BRD8: variants seen among roughly 807,000 people sequenced by gnomAD.
The protein encoded by BRD8 is bromodomain containing 8, also known as bromodomain-containing protein 8.
In BRD8, 67 loss-of-function variants were observed where a neutral mutation model predicts 143.1. The ratio of observed to expected loss-of-function variants is 0.47; its 90% CI spans 0.38 to 0.57. The LOEUF is 0.57. Among genes scored for constraint, BRD8 ranks in the 20% least tolerant of loss-of-function variants. BRD8 has a pLI of 0.00. For missense variants in BRD8, 1,103 were observed against 1,503.0 expected, an observed-to-expected ratio of 0.73 and a Z score of 4.40; for synonymous variants, 505 against 517.1, an observed-to-expected ratio of 0.98 and a Z score of 0.32.
In BRD8 at chr5:138,162,056, A is replaced by G; in HGVS notation, c.2178T>C (p.His726=). The change falls in exon 16 of 27, where the codon CAT becomes CAC. Residue 726 remains histidine, a splice_region_variant and synonymous_variant. Transcript: ENST00000254900. ...IMLVWRAAAN[H]RYANVFLQPV... The stretch of plus-strand genomic sequence containing the variant: ...ACTGACTGGTAAAGCCCACTCACCT[A>G]TGATTAGCTGCAGCTCTCCATACAA... 1 of 1,612,866 alleles carries G rather than the reference A, an allele frequency of 6.2e-7. No individual in the cohort carries two copies. Among genetic ancestry groups the G allele is most frequent in the Non-Finnish European group, 8.5e-7 (1 of 1,179,502 alleles).
chr5:138,175,487 G>C (rs1488565035), intron 2 of BRD8, among the ~76,000 whole-genome samples: 1 of 151,872 alleles, frequency 6.6e-6, no homozygotes, highest in Non-Finnish European at 1.5e-5. Flanking sequence ...GGAGGCTAAG[G>C]TGGGAGGATC....
intron 25 of BRD8, 30 bp downstream of exon 25, chr5:138,145,147 C>T: frequency 2.5e-6 from 4 of 1,590,850 alleles, no homozygotes; most frequent in South Asian, 2.3e-5. Context: ...ATAAAAGCAA[C>T]CAACCTTTCT....
chr5:138,170,970 T>C (rs759173059), intron 5 of BRD8, 58 bp from the exon 6 acceptor site: 341 of 1,612,818 alleles, frequency 2.1e-4, no homozygotes, highest in Non-Finnish European at 2.8e-4. Flanking sequence ...TTTTAAAAGT[T>C]CTGACCAGTA....
chr5:138,177,758 C>G (rs1056206476), intron 1 of BRD8, 91 bp from the exon 2 acceptor site: 7 of 733,398 alleles, frequency 9.5e-6, no homozygotes, highest in Non-Finnish European at 1.4e-5. Context: ...GGACTAAAAG[C>G]CTAATACAAA....
chr5:138,175,848 AG>A (rs1158996894), intron 2 of BRD8, among the ~76,000 whole-genome samples: 2 of 132,666 alleles, frequency 1.5e-5, no homozygotes, highest in Non-Finnish European at 3.1e-5. Context: ...CAGGAGGCAG[AG>A]GTTGCAGTGA....
At chr5:138,164,261 A>AC in intron 13 of BRD8, 59 bp downstream of exon 13, 1 of 1,593,414 alleles carries the variant, frequency 6.3e-7, no homozygotes, top group Admixed American at 1.7e-5. Flanking sequence ...CCCACAACCC[A>AC]CAACCCCTCA....
At chr5:138,174,317 G>A (rs895914167) in intron 2 of BRD8, among the ~76,000 whole-genome samples, 9 of 152,004 alleles carry the variant, frequency 5.9e-5, no homozygotes, top group Admixed American at 4.6e-4. Flanking sequence ...TGCACTGGCC[G>A]GGTGTCGTAG....
At chr5:138,161,919 G>C in intron 16 of BRD8, 55 bp from the exon 17 acceptor site, 1 of 1,597,166 alleles carries the variant, frequency 6.3e-7, no homozygotes, top group Non-Finnish European at 8.6e-7. Flanking sequence ...TGCAGGGAGG[G>C]AACTTACTCT....
intron 14 of BRD8, 131 bp from the exon 15 acceptor site, chr5:138,163,475 C>T (rs1333523731): frequency 7.4e-7 from 1 of 1,354,618 alleles, no homozygotes; most frequent in Non-Finnish European, 1.0e-6. Flanking sequence ...ACTCAGCTGT[C>T]TATCACTTAT....
chr5:138,144,010 T>C (rs1436465903), intron 25 of BRD8, among the ~76,000 whole-genome samples: 1 of 152,240 alleles, frequency 6.6e-6, no homozygotes, highest in South Asian at 2.1e-4. Context: ...CTCCTCACTC[T>C]TTGGGTCCGC....
chr5:138,164,423 A>G lies in BRD8; in HGVS notation c.1732-10T>C, dbSNP rs1364044259. ...TGCTTTCAGGGGATGCCTGAAAACC[A>G]GAAAAGAAAAAACACCCTAAGTACT... On this transcript the variant is annotated splice_polypyrimidine_tract_variant and intron_variant, in intron 12 of 26. Coordinates refer to ENST00000254900, the MANE Select transcript of BRD8 (RefSeq NM_139199.2). The G allele has an allele frequency of 1.2e-6, 2 of 1,612,630 alleles. No individual in the cohort carries two copies. Among genetic ancestry groups the G allele is most frequent in the Non-Finnish European group, 1.7e-6 (2 of 1,178,712 alleles).
chr5:138,171,918 G>T, intron 3 of BRD8, 147 bp downstream of exon 3: 1 of 708,492 alleles, frequency 1.4e-6, no homozygotes, highest in Non-Finnish European at 2.5e-6. Flanking sequence ...GGATGGATTA[G>T]CAAACAGTAG....
chr5:138,150,997 T>G lies in BRD8; in HGVS notation c.2868A>C (p.Leu956Phe), dbSNP rs59676375. The G allele has an allele frequency of 1.3e-3, 2,040 of 1,611,038 alleles. 14 individuals are homozygous for G. The African/African-American group carries it at 0.02, about 16-fold the overall frequency. ...LLHFLSEVAY[L>F]MEPLCISSNE... ...TGCTGCTGATGCACAAGGGCTCCATTAAATAAGCTACCTGCAATCAAAGTT... is the reference window on the plus strand; with the variant it reads ...TGCTGCTGATGCACAAGGGCTCCATGAAATAAGCTACCTGCAATCAAAGTT... The change falls in exon 22 of 27, where the codon TTA (leucine) becomes TTC (phenylalanine). Residue 956 changes from leucine (L) to phenylalanine (F), a missense_variant. This residue lies in a region of BRD8 where 369 missense variants were observed against 445.5 expected (regional missense o/e 0.83). Coordinates refer to ENST00000254900, the MANE Select transcript of BRD8 (RefSeq NM_139199.2).
rs372472148 is a variant in BRD8, at chr5:138,177,561, G to A, written c.116+10C>T. Reference sequence around the variant, plus strand: ...AAGACCCAGAAAAGCTGACATCCTAGATACCTTACCAATTTTGATCGCCAC... The same window carrying A: ...AAGACCCAGAAAAGCTGACATCCTAAATACCTTACCAATTTTGATCGCCAC... On this transcript the variant is annotated intron_variant, in intron 2 of 26. Transcript: ENST00000254900. 6.3e-7 allele frequency: 1 copy of A among 1,585,906 alleles called. No homozygotes were observed. Among genetic ancestry groups the A allele is most frequent in the Middle Eastern group, 1.7e-4 (1 of 6,010 alleles).
At position 138,151,023 on chromosome 5, in the gene BRD8, T is replaced by A. The variant is rs747315247; in HGVS notation, c.2857-15A>T. The A allele has an allele frequency of 6.2e-7, 1 of 1,605,720 alleles. No individual in the cohort carries two copies. Among genetic ancestry groups the A allele is most frequent in the East Asian group, 2.2e-5 (1 of 44,872 alleles). ...AAATAAGCTACCTGCAATCAAAGTT[T>A]ATTATTAGATGCACAGGAACACCAC... On this transcript the variant is annotated splice_polypyrimidine_tract_variant and intron_variant, in intron 21 of 26. Transcript: ENST00000254900.
chr5:138,164,786 A>C lies in BRD8; in HGVS notation c.1659T>G (p.Ala553=). Residue 553 remains alanine (A), a synonymous_variant, in exon 12 of 27, where the codon GCT becomes GCG. Transcript: ENST00000254900. ...CAACATCTGCTTCAACAATCTCTCC[A>C]GCTGCAGTACTTCCCAGTTCCTCAT... The part of the protein sequence containing the change: ...DLDEELGSTA[A]GEIVEADVAI... The C allele has an allele frequency of 1.9e-6, 3 of 1,614,208 alleles. No individual in the cohort carries two copies. Among genetic ancestry groups the C allele is most frequent in the Non-Finnish European group, 2.5e-6 (3 of 1,180,050 alleles).
rs539725102 is a variant in BRD8 at position 138,154,348 on chromosome 5, C to T, written c.2578-1588G>A. ...TCTCCGTATTGCCACCCACCACCCC[C>T]ACCAGATGCCTACACCTTCCATTCG... On this transcript the variant is annotated intron_variant, in intron 20 of 26. Transcript: ENST00000254900. 1.1e-4 allele frequency among the ~76,000 whole-genome samples: 17 copies of T among 152,232 alleles called. No individual in the cohort carries two copies. In the South Asian group the frequency reaches 3.5e-3, roughly 32 times the overall value.
chr5:138,161,908 G>C (rs1022628323), intron 16 of BRD8, 44 bp from the exon 17 acceptor site: 7 of 1,604,400 alleles, frequency 4.4e-6, no homozygotes, highest in African/African-American at 1.3e-5. Context: ...TTCTCCAGAA[G>C]TGCAGGGAGG....
chr5:138,146,969 CAAA>C (rs60597015), intron 23 of BRD8, among the ~76,000 whole-genome samples: 207 of 49,038 alleles, frequency 4.2e-3, no homozygotes, highest in African/African-American at 0.014. Context: ...AACTCCGTCT[CAAA>C]AAAAAAAAAA....
Sources: gnomAD v4.1 joint callset for allele counts (sites outside exome capture counted in the v4.1 genomes callset) on GRCh38, gnomAD v4.1.1 for gene constraint, gnomAD v4.1.1 regional missense constraint, MANE v1.5 for transcripts, NCBI Gene and HGNC (gene_info 2026-07-23, HGNC 2026-07-21) for gene names.